MBP: variants seen among roughly 807,000 people sequenced by gnomAD.
MBP encodes Golli-MBP.
Under a neutral mutation model 35.8 loss-of-function variants are expected in MBP, and 16 were observed. The observed-to-expected ratio is 0.45, with a 90% CI of 0.30 to 0.68. The LOEUF is 0.68. Among genes scored for constraint, MBP ranks in the 30% least tolerant of loss-of-function variants. MBP has a pLI of 0.08. For synonymous variants in MBP, 143 were observed against 159.6 expected (o/e 0.90, Z 0.78); for missense variants, 380 against 404.7 (o/e 0.94, Z 0.52).
rs533792088 is a variant in MBP, at chr18:76,986,876, A to G, written c.750+1619T>C. 4.1e-6 allele frequency: 4 copies of G among 985,382 alleles called. No individual in the cohort carries two copies. The East Asian group carries it at 4.5e-4, about 112-fold the overall frequency. 61.0% of individuals were successfully genotyped at this position (985,382 alleles called of 1,614,324 possible). ...CTTTCCTCCTTTCCAATCCTTAGTC[A>G]TGTTTATCTTTGGGGAACCTAGAAT... is the stretch of plus-strand genomic sequence containing the variant. On this transcript the variant is annotated intron_variant, in intron 7 of 8. Coordinates refer to ENST00000355994, the MANE Select transcript of MBP (RefSeq NM_001025101.2).
chr18:77,092,332 G>C (rs2055533290), intron 2 of MBP, among the ~76,000 whole-genome samples: 1 of 152,172 alleles, frequency 6.6e-6, no homozygotes, highest in African/African-American at 2.4e-5. Context: ...CACTGAATGC[G>C]CTCCCCACCC....
At chr18:77,130,774 G>C (rs1400658283) in intron 1 of MBP, among the ~76,000 whole-genome samples, 1 of 149,826 alleles carries the variant, frequency 6.7e-6, no homozygotes, top group East Asian at 2.0e-4. Context: ...ACTCAAACCC[G>C]ACGTTTTAAA....
intron 4 of MBP, among the ~76,000 whole-genome samples, chr18:76,998,324 C>G (rs1970432852): frequency 1.4e-5 from 1 of 71,346 alleles, no homozygotes. Context: ...TGCTGCGGCC[C>G]CCGTCAGAAT....
At position 76,988,793 on chromosome 18, in the gene MBP, T is replaced by G. The variant is rs1288804581; in HGVS notation, c.717+84A>C. On this transcript the variant is annotated intron_variant, in intron 6 of 8. Transcript: ENST00000355994. This position sits in a 1 kb window ranked among gnomAD's most constrained non-coding sequence, Gnocchi z 5.2. ...GGATGGATTCTGGTAGCTCGGAGCC[T>G]AACTCTCTCTTTGGTACATTATGGG... 3.6e-5 allele frequency: 53 copies of G among 1,483,402 alleles called. No individual in the cohort carries two copies. The highest frequency in any genetic ancestry group is 4.8e-5 in the Non-Finnish European group (52 of 1,083,962). The allele number at this position is 1,483,402 out of a possible 1,614,324, so 91.9% of individuals were successfully genotyped here.
At chr18:77,097,755 G>A (rs1014651128) in intron 2 of MBP, among the ~76,000 whole-genome samples, 2 of 152,184 alleles carry the variant, frequency 1.3e-5, no homozygotes, top group Non-Finnish European at 2.9e-5. Flanking sequence ...GTTACATTTG[G>A]ATGGGTCTGC....
At chr18:77,041,523 C>T (rs184237112) in intron 3 of MBP, among the ~76,000 whole-genome samples, 17 of 152,174 alleles carry the variant, frequency 1.1e-4, no homozygotes, top group Admixed American at 1.0e-3. Flanking sequence ...GACTTGGAAC[C>T]AACCCGAATG....
intron 3 of MBP, among the ~76,000 whole-genome samples, chr18:77,057,031 G>A (rs983596082): frequency 4.0e-5 from 6 of 150,206 alleles, no homozygotes; most frequent in African/African-American, 1.3e-4. Context: ...CCTCTGAGAC[G>A]GGAAGGAGGC....
intron 3 of MBP, among the ~76,000 whole-genome samples, chr18:77,048,609 G>A (rs920927683): frequency 6.6e-6 from 1 of 151,944 alleles, no homozygotes; most frequent in African/African-American, 2.4e-5. Context: ...GATTACAGGT[G>A]CCCGCCACCA....
intron 2 of MBP, among the ~76,000 whole-genome samples, chr18:77,066,738 C>T (rs886683452): frequency 2.6e-5 from 4 of 152,258 alleles, no homozygotes; most frequent in South Asian, 2.1e-4. Flanking sequence ...TGACACTGTG[C>T]GGCAGAACTG....
intron 2 of MBP, among the ~76,000 whole-genome samples, chr18:77,090,986 T>C (rs1975496896): frequency 6.6e-6 from 1 of 152,208 alleles, no homozygotes; most frequent in Non-Finnish European, 1.5e-5. Context: ...AGCCCAGGCC[T>C]GCTGTGAGAG....
At chr18:77,071,155 T>C (rs1217549912) in intron 2 of MBP, among the ~76,000 whole-genome samples, 1 of 152,188 alleles carries the variant, frequency 6.6e-6, no homozygotes, top group Non-Finnish European at 1.5e-5. Context: ...TTGCTTCGTA[T>C]TGGTACAAAC....
intron 3 of MBP, among the ~76,000 whole-genome samples, chr18:77,037,715 C>T (rs867228184): frequency 2.0e-5 from 3 of 152,222 alleles, no homozygotes; most frequent in Non-Finnish European, 2.9e-5. Context: ...GAGGAGGAAG[C>T]GTGCTCAGCC....
intron 2 of MBP, among the ~76,000 whole-genome samples, chr18:77,103,867 G>A (rs77217789): frequency 6.6e-6 from 1 of 152,248 alleles, no homozygotes; most frequent in Non-Finnish European, 1.5e-5. Context: ...CGAAGGCAAC[G>A]TAGAGAATCC....
At chr18:76,990,638 A>G (rs991254062) in intron 4 of MBP, among the ~76,000 whole-genome samples, 3 of 152,198 alleles carry the variant, frequency 2.0e-5, no homozygotes, top group African/African-American at 7.2e-5. Flanking sequence ...GAGGGCTTAG[A>G]AGAGCCTGTC....
chr18:77,057,965 T>C (rs1189095638), intron 3 of MBP, among the ~76,000 whole-genome samples: 2 of 61,938 alleles, frequency 3.2e-5, no homozygotes. Context: ...TAGCTGGGAC[T>C]ACAGGCGCCC....
rs150720167 is a variant in MBP, at chr18:77,012,513, T to C, written c.576+4319A>G. On this transcript the variant is annotated intron_variant, in intron 4 of 8. Transcript: ENST00000355994. ...GGGAGAGAAGACAGTAAAATGTCTC[T>C]GTGTAGTAAAAGCAGATGAGTGAGC... Among the ~76,000 whole-genome samples the C allele has an allele frequency of 9.7e-4, 148 of 152,212 alleles. 1 individual carries two copies. Among genetic ancestry groups the C allele is most frequent in the African/African-American group, 3.4e-3 (143 of 41,518 alleles).
At chr18:77,121,698 T>C (rs1385238777) in intron 1 of MBP, among the ~76,000 whole-genome samples, 1 of 152,236 alleles carries the variant, frequency 6.6e-6, no homozygotes, top group Non-Finnish European at 1.5e-5. Flanking sequence ...ATTGAAGCTG[T>C]CCACAGACGT....
At chr18:77,110,845 C>T (rs1976425266) in intron 1 of MBP, among the ~76,000 whole-genome samples, 1 of 152,164 alleles carries the variant, frequency 6.6e-6, no homozygotes. Context: ...TTAATAAAAT[C>T]TAACCAGCAG....
Position 77,107,995 on chromosome 18 carries a change from C to G in MBP, c.-25-2709G>C, listed in dbSNP as rs571265829. Among the ~76,000 whole-genome samples the G allele has an allele frequency of 5.9e-5, 9 of 152,262 alleles. No individual in the cohort carries two copies. In the South Asian group the frequency reaches 1.7e-3, roughly 28 times the overall value. On this transcript the variant is annotated intron_variant, in intron 1 of 8. Coordinates refer to ENST00000355994, the MANE Select transcript of MBP (RefSeq NM_001025101.2). ...AAAACGACAACTTGATGTGTGGGAG[C>G]CCCCATCAGAGCCGTTAGTGGAAAT...
Sources: gnomAD v4.1 joint callset for allele counts (sites outside exome capture counted in the v4.1 genomes callset) on GRCh38, gnomAD v4.1.1 for gene constraint, Gnocchi (gnomAD v3.1) non-coding constraint, MANE v1.5 for transcripts, NCBI Gene and HGNC (gene_info 2026-07-23, HGNC 2026-07-21) for gene names.